Variants in EBF1 observed in about 807,000 individuals in gnomAD.
EBF1 encodes the protein transcription factor COE1.
EBF1 carries 10 observed loss-of-function variants against 68.4 expected under a neutral mutation model. That is an observed-to-expected ratio of 0.15 (90% CI 0.09 to 0.25). The LOEUF (loss-of-function observed/expected upper bound fraction) is 0.25, where lower values mean the gene tolerates loss of function less well. EBF1 is among the 10% of genes least tolerant of loss of function. The pLI, the probability that EBF1 is intolerant of heterozygous loss-of-function variation, is 1.00. For missense variants in EBF1, 509 were observed against 794.4 expected (o/e 0.64, Z 4.32); for synonymous variants, 298 against 299.8 (o/e 0.99, Z 0.06).
intron 6 of EBF1, among the ~76,000 whole-genome samples, chr5:158,852,802 C>T (rs1451378429): frequency 6.6e-6 from 1 of 152,178 alleles, no homozygotes; most frequent in Non-Finnish European, 1.5e-5. Flanking sequence ...ACAATGACAG[C>T]ATTTAGACTT....
intron 11 of EBF1, among the ~76,000 whole-genome samples, chr5:158,730,637 C>G (rs6556364): frequency 6.6e-6 from 1 of 152,206 alleles, no homozygotes; most frequent in Non-Finnish European, 1.5e-5. Flanking sequence ...TACGGATCCT[C>G]GTAGACAGAA....
intron 6 of EBF1, among the ~76,000 whole-genome samples, chr5:158,932,988 T>C (rs1342690897): frequency 6.6e-6 from 1 of 152,224 alleles, no homozygotes; most frequent in East Asian, 1.9e-4. Context: ...ATAGACACCC[T>C]GGTCTCTGAT....
chr5:158,812,737 T>C (rs554001271), intron 8 of EBF1, among the ~76,000 whole-genome samples: 2 of 152,270 alleles, frequency 1.3e-5, no homozygotes, highest in South Asian at 4.2e-4. Flanking sequence ...CCTTGCTCAG[T>C]GTCCAGCTGG....
In EBF1 at chr5:158,840,828, C is replaced by T. The variant is rs570225802; in HGVS notation, c.555-718G>A. On this transcript the variant is annotated intron_variant, in intron 6 of 15. Transcript: ENST00000313708. ...CTGGGACTACAGGCGCCCGCCACTA[C>T]GCCCGGCTAATTTTTTGTATTTTTA... Among the ~76,000 whole-genome samples the T allele has an allele frequency of 6.6e-5, 10 of 150,598 alleles. No individual in the cohort carries two copies. The East Asian group carries it at 1.2e-3, about 18-fold the overall frequency.
At chr5:158,737,177 G>A (rs545449875) in intron 10 of EBF1, among the ~76,000 whole-genome samples, 1 of 147,872 alleles carries the variant, frequency 6.8e-6, no homozygotes, top group Non-Finnish European at 1.5e-5. Context: ...TCTGCAACAA[G>A]AAGGGTGTCA....
intron 15 of EBF1, among the ~76,000 whole-genome samples, chr5:158,704,011 T>A (rs1561676500): frequency 6.6e-6 from 1 of 152,202 alleles, no homozygotes; most frequent in Non-Finnish European, 1.5e-5. Flanking sequence ...GACTTGAATA[T>A]AGAAATGTAA....
intron 4 of EBF1, among the ~76,000 whole-genome samples, chr5:159,094,110 C>T (rs1370035880): frequency 2.0e-5 from 2 of 101,624 alleles, no homozygotes; most frequent in African/African-American, 4.1e-5. Flanking sequence ...ATTTTGACAT[C>T]GCAAAAGAAA....
chr5:159,036,069 G>C (rs993664130), intron 6 of EBF1, among the ~76,000 whole-genome samples: 4 of 152,150 alleles, frequency 2.6e-5, no homozygotes, highest in African/African-American at 9.7e-5. Context: ...GGCTTCATGG[G>C]TGCAGAGTAA....
intron 6 of EBF1, among the ~76,000 whole-genome samples, chr5:159,043,873 CT>C (rs1218189113): frequency 6.6e-6 from 1 of 152,138 alleles, no homozygotes; most frequent in Non-Finnish European, 1.5e-5. Flanking sequence ...GTGATTTATT[CT>C]GCATTCTATC....
intron 6 of EBF1, among the ~76,000 whole-genome samples, chr5:158,907,874 A>G (rs538388728): frequency 1.1e-4 from 16 of 152,216 alleles, no homozygotes; most frequent in African/African-American, 3.6e-4. Context: ...AGTAGCTTCT[A>G]GAAATCACTT....
chr5:158,890,795 G>A (rs1236301669), intron 6 of EBF1, among the ~76,000 whole-genome samples: 1 of 152,088 alleles, frequency 6.6e-6, no homozygotes, highest in Non-Finnish European at 1.5e-5. Context: ...TGAAAGTGTA[G>A]GTTTTCTATT....
intron 6 of EBF1, among the ~76,000 whole-genome samples, chr5:159,027,753 GA>G (rs1767981207): frequency 6.6e-6 from 1 of 152,194 alleles, no homozygotes; most frequent in Admixed American, 6.5e-5. Context: ...AGGACATGCT[GA>G]TTCTGGTTCC....
chr5:158,702,743 CAAAAAAAAA>C (rs58496050), intron 15 of EBF1, among the ~76,000 whole-genome samples: 26 of 41,618 alleles, frequency 6.2e-4, no homozygotes, highest in African/African-American at 1.8e-3. Context: ...GACTCCTTCT[CAAAAAAAAA>C]AAAAAAAAAA....
chr5:158,791,172 A>G (rs1223444830), intron 9 of EBF1, among the ~76,000 whole-genome samples: 1 of 152,036 alleles, frequency 6.6e-6, no homozygotes, highest in Non-Finnish European at 1.5e-5. Flanking sequence ...TACAAAGATT[A>G]GCTGGGTGTG....
intron 1 of EBF1, among the ~76,000 whole-genome samples, chr5:159,097,842 C>T (rs969311259): frequency 6.6e-6 from 1 of 152,240 alleles, no homozygotes; most frequent in Admixed American, 6.5e-5. Flanking sequence ...GCTGCTGGCT[C>T]AGTGCGCCGG....
intron 10 of EBF1, among the ~76,000 whole-genome samples, chr5:158,750,067 A>C (rs1768461350): frequency 6.6e-6 from 1 of 152,132 alleles, no homozygotes; most frequent in Non-Finnish European, 1.5e-5. Flanking sequence ...CTCTGTCAAA[A>C]ATTGTTTTAT....
At chr5:158,701,864 T>C (rs1756848420) in intron 15 of EBF1, among the ~76,000 whole-genome samples, 1 of 152,186 alleles carries the variant, frequency 6.6e-6, no homozygotes, top group African/African-American at 2.4e-5. Flanking sequence ...CAGACTTCTC[T>C]GAGAGTCTAA....
rs578206145 is a variant in EBF1, at chr5:158,872,635, A to G, written c.555-32525T>C. ...GTCAAGTGAACTGTCGAAAGCTCCT[A>G]AGAACTACATAATTTATTCCTGGGC... On this transcript the variant is annotated intron_variant, in intron 6 of 15. Coordinates refer to ENST00000313708, the MANE Select transcript of EBF1 (RefSeq NM_024007.5). 7.1e-4 allele frequency among the ~76,000 whole-genome samples: 108 copies of G among 152,362 alleles called. 3 individuals are homozygous for G. In the South Asian group the frequency reaches 0.021, roughly 30 times the overall value.
chr5:158,913,722 A>T (rs550748254), intron 6 of EBF1, among the ~76,000 whole-genome samples: 2 of 152,340 alleles, frequency 1.3e-5, no homozygotes, highest in East Asian at 3.9e-4. Flanking sequence ...GACACCTACC[A>T]AGGATACAGT....
Sources: gnomAD v4.1 joint callset for allele counts (sites outside exome capture counted in the v4.1 genomes callset) on GRCh38, gnomAD v4.1.1 for gene constraint, MANE v1.5 for transcripts, NCBI Gene and HGNC (gene_info 2026-07-23, HGNC 2026-07-21) for gene names.